TANK: variants seen among roughly 807,000 people sequenced by gnomAD.
The protein encoded by TANK is TRAF family member-associated NF-kappa-B activator.
TANK carries 15 observed loss-of-function variants against 43.6 expected under a neutral mutation model. That is an observed-to-expected ratio of 0.34 (90% CI 0.23 to 0.53). The LOEUF (loss-of-function observed/expected upper bound fraction) is 0.53. TANK is among the 20% of genes least tolerant of loss of function. The pLI, the probability that TANK is intolerant of heterozygous loss-of-function variation, is 0.94. For missense variants in TANK, 417 were observed against 498.6 expected (o/e 0.84, Z 1.56); for synonymous variants, 162 against 178.2 (o/e 0.91, Z 0.73).
At chr2:161,181,542 A>G (rs1370763499) in intron 2 of TANK, among the ~76,000 whole-genome samples, 1 of 152,170 alleles carries the variant, frequency 6.6e-6, no homozygotes, top group East Asian at 1.9e-4. Flanking sequence ...GGCCTCAGGA[A>G]ACTTACAATC....
At chr2:161,206,458 A>T (rs976078629) in intron 4 of TANK, among the ~76,000 whole-genome samples, 1 of 152,186 alleles carries the variant, frequency 6.6e-6, no homozygotes, top group Non-Finnish European at 1.5e-5. Context: ...TACTGATTGC[A>T]TAACTAAGAC....
At chr2:161,154,230 A>T (rs1172655583) in intron 1 of TANK, among the ~76,000 whole-genome samples, 1 of 152,186 alleles carries the variant, frequency 6.6e-6, no homozygotes, top group African/African-American at 2.4e-5. Context: ...GACTCAACAG[A>T]CCAGGTAAAA....
At chr2:161,212,509 A>G (rs1237520755) in intron 4 of TANK, 1 of 985,300 alleles carries the variant, frequency 1.0e-6, no homozygotes, top group Admixed American at 6.1e-5. Context: ...TTTTGAATTC[A>G]GTACATCATC....
rs1686154287 is a variant in TANK at position 161,196,464 on chromosome 2, G to A, written c.100-7023G>A. ...AGAGGTACTAATACGATGTGGCATA[G>A]TGGTTAGTTAGGGGCTTGGGCTTTG... On this transcript the variant is annotated intron_variant, in intron 2 of 7. Coordinates refer to ENST00000392749, the MANE Select transcript of TANK (RefSeq NM_001199135.3). Among the ~76,000 whole-genome samples, 5 of 152,196 alleles carry A rather than the reference G, an allele frequency of 3.3e-5. No homozygotes were observed. In the South Asian group the frequency reaches 1.0e-3, roughly 31 times the overall value.
intron 7 of TANK, chr2:161,233,045 G>C (rs1687998536): frequency 3.5e-6 from 2 of 567,270 alleles, no homozygotes; most frequent in Non-Finnish European, 5.8e-6. Context: ...AATAAAGCTA[G>C]TATTATGCAA....
upstream of TANK, chr2:161,156,057 G>A: frequency 1.0e-6 from 1 of 982,902 alleles, no homozygotes; most frequent in Non-Finnish European, 1.2e-6. Flanking sequence ...TTTTTACAAA[G>A]TATTGTATTG....
chr2:161,157,422 C>G (rs1684256351), upstream of TANK, among the ~76,000 whole-genome samples: 1 of 152,210 alleles, frequency 6.6e-6, no homozygotes, highest in Admixed American at 6.5e-5. Flanking sequence ...AGTCTGCCTT[C>G]CAAGGCCATT....
intron 1 of TANK, chr2:161,160,803 G>A: frequency 1.8e-6 from 1 of 547,850 alleles, no homozygotes; most frequent in Non-Finnish European, 3.6e-6. Context: ...AATGGGGGTG[G>A]AAGGGCCTGC....
chr2:161,231,348 A>G lies in TANK; in HGVS notation c.898A>G (p.Ile300Val), dbSNP rs201038673. ...IQGIDPIASA[I>V]QNLKTTDKTK... ...GGGAATTGACCCCATAGCTTCAGCT[A>G]TACAAAACCTTAAAACAACTGACAA... Residue 300 changes from isoleucine to valine, a missense_variant, in exon 7 of 8, where the codon ATA becomes GTA. By Grantham distance (29) the Ile-to-Val change is conservative. Transcript: ENST00000392749. The G allele has an allele frequency of 9.8e-5, 158 of 1,614,114 alleles. 1 individual carries two copies. Among genetic ancestry groups the G allele is most frequent in the South Asian group, 3.3e-4 (30 of 91,094 alleles).
intron 2 of TANK, chr2:161,197,301 G>A (rs1317920353): frequency 6.6e-6 from 1 of 152,126 alleles, no homozygotes; most frequent in Admixed American, 6.5e-5. Flanking sequence ...GAACAATCAG[G>A]TGTTGGTTTT....
At chr2:161,179,115 A>G (rs1238994616) in intron 1 of TANK, among the ~76,000 whole-genome samples, 2 of 152,254 alleles carry the variant, frequency 1.3e-5, no homozygotes, top group African/African-American at 4.8e-5. Flanking sequence ...CTAAAATAAG[A>G]ACATTTTCAC....
chr2:161,142,937 T>C (rs1347742490), intron 1 of TANK, among the ~76,000 whole-genome samples: 1 of 152,222 alleles, frequency 6.6e-6, no homozygotes, highest in Non-Finnish European at 1.5e-5. Context: ...TTCATGATGT[T>C]GATTCTTCCT....
At chr2:161,137,295 A>C (rs984925924) in intron 1 of TANK, 1 of 961,762 alleles carries the variant, frequency 1.0e-6, no homozygotes, top group Non-Finnish European at 1.2e-6. Context: ...AGGCCAAGGT[A>C]AGAGGATCAC....
intron 1 of TANK, among the ~76,000 whole-genome samples, chr2:161,177,091 T>A (rs892251835): frequency 1.3e-5 from 2 of 152,180 alleles, no homozygotes; most frequent in African/African-American, 4.8e-5. Flanking sequence ...TTATTAATGC[T>A]AACTGCTTAT....
intron 1 of TANK, among the ~76,000 whole-genome samples, chr2:161,171,707 T>C (rs1377570684): frequency 6.6e-6 from 1 of 152,108 alleles, no homozygotes; most frequent in African/African-American, 2.4e-5. Context: ...ATAGAAGAGC[T>C]CTCTTCCTCC....
chr2:161,186,624 TG>T (rs1448652448), intron 2 of TANK, among the ~76,000 whole-genome samples: 4 of 152,198 alleles, frequency 2.6e-5, no homozygotes, highest in Admixed American at 2.6e-4. Flanking sequence ...TTAGGACATC[TG>T]TCTGGGCAAA....
At chr2:161,189,765 G>A (rs1193906218) in intron 2 of TANK, among the ~76,000 whole-genome samples, 4 of 151,994 alleles carry the variant, frequency 2.6e-5, no homozygotes, top group Non-Finnish European at 5.9e-5. Flanking sequence ...ATTTAAAGAA[G>A]ACACAAATAT....
At chr2:161,208,726 G>T (rs1156591117) in intron 4 of TANK, among the ~76,000 whole-genome samples, 3 of 152,084 alleles carry the variant, frequency 2.0e-5, no homozygotes, top group Non-Finnish European at 4.4e-5. Context: ...GTTGGCAGGA[G>T]GCCTTTCCAT....
intron 1 of TANK, among the ~76,000 whole-genome samples, chr2:161,167,968 T>TA (rs1329330214): frequency 6.6e-6 from 1 of 152,144 alleles, no homozygotes; most frequent in Non-Finnish European, 1.5e-5. Flanking sequence ...AATGGGCTGA[T>TA]ACTAAGTTAT....
Sources: gnomAD v4.1 joint callset for allele counts (sites outside exome capture counted in the v4.1 genomes callset) on GRCh38, gnomAD v4.1.1 for gene constraint, MANE v1.5 for transcripts, NCBI Gene and HGNC (gene_info 2026-07-23, HGNC 2026-07-21) for gene names.